ZNF407: variants seen among roughly 807,000 people sequenced by gnomAD.
ZNF407 encodes zinc finger protein 407.
ZNF407 carries 17 observed loss-of-function variants against 131.2 expected under a neutral mutation model. The ratio of observed to expected loss-of-function variants is 0.13; its 90% confidence interval spans 0.09 to 0.19. ZNF407 has a LOEUF of 0.19. ZNF407 is among the 10% of genes least tolerant of loss of function. The probability of loss-of-function intolerance (pLI) is 1.00; values close to 1 mark genes in which losing one functional copy is unlikely to be tolerated. For missense variants in ZNF407, 2,681 were observed against 2,830.6 expected (o/e 0.95, Z 1.20); for synonymous variants, 1,156 against 1,062.0 (o/e 1.09, Z -1.72).
intron 3 of ZNF407, among the ~76,000 whole-genome samples, chr18:74,757,395 T>C (rs144586333): frequency 8.5e-4 from 130 of 152,238 alleles, no homozygotes; most frequent in African/African-American, 2.9e-3. Flanking sequence ...ATTTTGTGAT[T>C]TCTTCTTTGA....
At chr18:75,029,792 C>T (rs754699985) in intron 8 of ZNF407, among the ~76,000 whole-genome samples, 1 of 152,166 alleles carries the variant, frequency 6.6e-6, no homozygotes, top group Non-Finnish European at 1.5e-5. Context: ...GTACAGTGAA[C>T]GGATGTCTTA....
intron 8 of ZNF407, among the ~76,000 whole-genome samples, chr18:74,938,608 C>T (rs538884262): frequency 1.4e-3 from 211 of 152,252 alleles, no homozygotes; most frequent in African/African-American, 5.0e-3. Flanking sequence ...AGTAACCATG[C>T]TGAATTTTTC....
intron 8 of ZNF407, among the ~76,000 whole-genome samples, chr18:74,987,380 G>T (rs1375137171): frequency 6.6e-6 from 1 of 152,128 alleles, no homozygotes; most frequent in Non-Finnish European, 1.5e-5. Context: ...AGGTCTTACT[G>T]TATTACCAAA....
At chr18:74,818,634 T>TA (rs1970298885) in intron 4 of ZNF407, among the ~76,000 whole-genome samples, 1 of 152,178 alleles carries the variant, frequency 6.6e-6, no homozygotes, top group Admixed American at 6.5e-5. Context: ...GCTGCATTCT[T>TA]ACACTTTTTT....
intron 3 of ZNF407, among the ~76,000 whole-genome samples, chr18:74,707,861 T>C (rs950084344): frequency 2.0e-5 from 3 of 152,212 alleles, no homozygotes; most frequent in African/African-American, 4.8e-5. Flanking sequence ...ATTCAAAAAA[T>C]ATTTATTGAA....
intron 8 of ZNF407, among the ~76,000 whole-genome samples, chr18:75,040,865 A>T (rs1973364245): frequency 6.6e-6 from 1 of 152,202 alleles, no homozygotes; most frequent in African/African-American, 2.4e-5. Flanking sequence ...ATGCTGTGAC[A>T]AAGCACATGG....
At chr18:74,690,786 A>G (rs1967202315) in intron 3 of ZNF407, among the ~76,000 whole-genome samples, 1 of 152,200 alleles carries the variant, frequency 6.6e-6, no homozygotes, top group African/African-American at 2.4e-5. Flanking sequence ...CCAATCATAT[A>G]TTAGCCTATT....
At chr18:74,764,804 A>C (rs1208349553) in intron 3 of ZNF407, among the ~76,000 whole-genome samples, 1 of 152,250 alleles carries the variant, frequency 6.6e-6, no homozygotes, top group Admixed American at 6.5e-5. Context: ...TAACATAAAC[A>C]ACCAGTTAAT....
intron 3 of ZNF407, among the ~76,000 whole-genome samples, chr18:74,741,178 TG>T (rs1968539384): frequency 6.6e-6 from 1 of 152,140 alleles, no homozygotes; most frequent in African/African-American, 2.4e-5. Context: ...AATACATGTA[TG>T]GATGGTGAAA....
chr18:74,811,256 C>CA (rs1970190502), intron 4 of ZNF407, among the ~76,000 whole-genome samples: 1 of 152,036 alleles, frequency 6.6e-6, no homozygotes, highest in Non-Finnish European at 1.5e-5. Context: ...TTTATGCAGC[C>CA]AAAAAACACA....
At chr18:74,760,741 C>T (rs773058542) in intron 3 of ZNF407, among the ~76,000 whole-genome samples, 3 of 151,982 alleles carry the variant, frequency 2.0e-5, no homozygotes, top group African/African-American at 4.8e-5. Context: ...CCTGTTTGAC[C>T]GCTCCTCCTA....
In ZNF407 at chr18:74,634,587, T is replaced by C; in HGVS notation, c.3568T>C (p.Ser1190Pro). ...GGAGATGATGTCACTTACTATGTCCTCAAACTATGGCTCCCCAAGCAGATT... is the reference window on the plus strand; with the variant it reads ...GGAGATGATGTCACTTACTATGTCCCCAAACTATGGCTCCCCAAGCAGATT... ...PEEMMSLTMS[S>P]NYGSPSRFQN... Residue 1190 changes from serine to proline, a missense_variant, in exon 2 of 9, where the codon TCA becomes CCA. Transcript: ENST00000299687. The C allele has an allele frequency of 6.2e-7, 1 of 1,613,902 alleles. No homozygotes were observed. The highest frequency in any genetic ancestry group is 8.5e-7 in the Non-Finnish European group (1 of 1,179,880).
At chr18:74,704,371 C>A (rs1967574092) in intron 3 of ZNF407, among the ~76,000 whole-genome samples, 2 of 152,082 alleles carry the variant, frequency 1.3e-5, no homozygotes, top group African/African-American at 2.4e-5. Flanking sequence ...TGCTGTTAAA[C>A]AGGATATAAT....
chr18:74,747,890 C>CTT (rs1968708014), intron 3 of ZNF407, among the ~76,000 whole-genome samples: 5 of 151,906 alleles, frequency 3.3e-5, no homozygotes, highest in Non-Finnish European at 5.9e-5. Context: ...TTTATATACA[C>CTT]GTATGTTTTT....
At position 74,634,209 on chromosome 18, in the gene ZNF407, C is replaced by T; in HGVS notation, c.3190C>T (p.His1064Tyr). ...GGTGACTCGTCGCGAGATGACCAGG[C>T]ATGCAGCAACAGAGAAGCACAAAAT... ...YAVTRREMTR[H>Y]AATEKHKMKR... Residue 1064 changes from histidine to tyrosine, a missense_variant, in exon 2 of 9, where the codon CAT (histidine) becomes TAT (tyrosine). By Grantham distance (83) the His-to-Tyr change is moderately conservative. Coordinates refer to ENST00000299687, the MANE Select transcript of ZNF407 (RefSeq NM_017757.3). The T allele has an allele frequency of 6.2e-7, 1 of 1,614,004 alleles. No individual in the cohort carries two copies. Among genetic ancestry groups the T allele is most frequent in the Non-Finnish European group, 8.5e-7 (1 of 1,179,882 alleles).
intron 4 of ZNF407, among the ~76,000 whole-genome samples, chr18:74,788,860 TA>T (rs1453369799): frequency 6.6e-6 from 1 of 150,430 alleles, no homozygotes; most frequent in Non-Finnish European, 1.5e-5. Context: ...GAATATTATA[TA>T]TTTTTTATTC....
intron 3 of ZNF407, among the ~76,000 whole-genome samples, chr18:74,721,190 T>A (rs1478442732): frequency 6.6e-6 from 1 of 152,222 alleles, no homozygotes; most frequent in African/African-American, 2.4e-5. Flanking sequence ...GCAGTTTTCC[T>A]TGTAGAGGTC....
chr18:74,836,766 A>G (rs1970565204), intron 4 of ZNF407, among the ~76,000 whole-genome samples: 1 of 152,206 alleles, frequency 6.6e-6, no homozygotes, highest in Non-Finnish European at 1.5e-5. Flanking sequence ...AATCCTAACA[A>G]CACGACTGTG....
chr18:74,723,701 G>A (rs1968091582), intron 3 of ZNF407, among the ~76,000 whole-genome samples: 1 of 152,056 alleles, frequency 6.6e-6, no homozygotes, highest in South Asian at 2.1e-4. Flanking sequence ...AGTGCAGCTG[G>A]TTTTTCTGTT....
Sources: gnomAD v4.1 joint callset for allele counts (sites outside exome capture counted in the v4.1 genomes callset) on GRCh38, gnomAD v4.1.1 for gene constraint, MANE v1.5 for transcripts, NCBI Gene and HGNC (gene_info 2026-07-23, HGNC 2026-07-21) for gene names.